PTPRT: variants seen among roughly 807,000 people sequenced by gnomAD.
PTPRT encodes receptor-type tyrosine-protein phosphatase T.
In PTPRT, 56 loss-of-function variants were observed where a neutral mutation model predicts 176.8. That is an observed-to-expected ratio of 0.32 (90% CI 0.26 to 0.40). The LOEUF (loss-of-function observed/expected upper bound fraction) is 0.40. Among genes scored for constraint, PTPRT ranks in the 10% least tolerant of loss-of-function variants. The pLI, the probability that PTPRT is intolerant of heterozygous loss-of-function variation, is 1.00. For missense variants in PTPRT, 1,540 were observed against 1,908.2 expected (o/e 0.81, Z 3.60); for synonymous variants, 783 against 739.0 (o/e 1.06, Z -0.96).
intron 8 of PTPRT, among the ~76,000 whole-genome samples, chr20:42,464,358 T>C (rs1006488890): frequency 1.8e-4 from 28 of 152,166 alleles, no homozygotes; most frequent in African/African-American, 6.8e-4. Flanking sequence ...AATAAAGTAA[T>C]CAATATACAG....
chr20:42,207,125 AC>A (rs547858017), intron 15 of PTPRT, among the ~76,000 whole-genome samples: 6,611 of 151,972 alleles, frequency 0.044, 460 homozygotes, highest in African/African-American at 0.15. Context: ...GGACATCCAC[AC>A]CGAAAACCCA....
intron 2 of PTPRT, among the ~76,000 whole-genome samples, chr20:42,883,680 G>T (rs1173081220): frequency 5.6e-3 from 32 of 5,728 alleles, no homozygotes; most frequent in African/African-American, 9.5e-3. Context: ...CAAACACACG[G>T]ACACACACAC....
In PTPRT at chr20:42,074,895, T is replaced by A. The variant is rs1982623104; in HGVS notation, c.*5984A>T. 2.5e-6 allele frequency: 1 copy of A among 398,622 alleles called. No individual in the cohort carries two copies. Among genetic ancestry groups the A allele is most frequent in the East Asian group, 3.6e-5 (1 of 28,082 alleles). 24.7% of individuals were successfully genotyped at this position (398,622 alleles called of 1,614,324 possible). ...TGGTTACTAAAAAACTAGAAGAGTCTGCTCATGTGCACAAATATGGCTTAG... is the reference window on the plus strand; with the variant it reads ...TGGTTACTAAAAAACTAGAAGAGTCAGCTCATGTGCACAAATATGGCTTAG... On this transcript the variant is annotated 3_prime_UTR_variant, in exon 31 of 31. Coordinates refer to ENST00000373187, the MANE Select transcript of PTPRT (RefSeq NM_007050.6).
chr20:42,641,525 C>A (rs1569046268), intron 7 of PTPRT, among the ~76,000 whole-genome samples: 1 of 152,154 alleles, frequency 6.6e-6, no homozygotes, highest in South Asian at 2.1e-4. Context: ...CAGGCATCAG[C>A]TTTTCTGTAA....
At chr20:42,227,677 A>C (rs970981654) in intron 15 of PTPRT, among the ~76,000 whole-genome samples, 6 of 130,036 alleles carry the variant, frequency 4.6e-5, no homozygotes, top group Non-Finnish European at 6.2e-5. Context: ...GTATGATCTC[A>C]GTTCATTGCA....
At chr20:42,054,370 A>C in the PTPRT span, among the ~76,000 whole-genome samples, 41 of 152,342 alleles carry the variant, frequency 2.7e-4, no homozygotes, top group Admixed American at 2.7e-3. Flanking sequence ...CCAAGCTTCT[A>C]AGTAGATATT....
chr20:42,629,406 A>C (rs1353056393), intron 7 of PTPRT, among the ~76,000 whole-genome samples: 1 of 152,168 alleles, frequency 6.6e-6, no homozygotes, highest in East Asian at 1.9e-4. Context: ...TCTTGTGCAA[A>C]ACCAACTAGG....
At chr20:42,808,476 C>A (rs2077646342) in intron 2 of PTPRT, among the ~76,000 whole-genome samples, 1 of 152,108 alleles carries the variant, frequency 6.6e-6, no homozygotes, top group Non-Finnish European at 1.5e-5. Flanking sequence ...AGCACAGAGG[C>A]ATTTGGTGTC....
intron 1 of PTPRT, among the ~76,000 whole-genome samples, chr20:43,155,532 G>A (rs539117450): frequency 6.6e-6 from 1 of 152,340 alleles, no homozygotes; most frequent in African/African-American, 2.4e-5. Flanking sequence ...GGGATGGTTA[G>A]CAGGGAGAGG....
chr20:42,307,526 A>G (rs956080165), intron 12 of PTPRT, among the ~76,000 whole-genome samples: 1 of 152,086 alleles, frequency 6.6e-6, no homozygotes, highest in Non-Finnish European at 1.5e-5. Context: ...CTTAACTCGA[A>G]CCCTCTAGAG....
At chr20:42,674,437 G>A (rs1165607631) in intron 7 of PTPRT, among the ~76,000 whole-genome samples, 3 of 152,234 alleles carry the variant, frequency 2.0e-5, no homozygotes, top group Middle Eastern at 3.4e-3. Context: ...ATCATCTTGC[G>A]ATTGAATTTC....
At chr20:42,688,257 G>A in intron 6 of PTPRT, 1 of 152,168 alleles carries the variant, frequency 6.6e-6, no homozygotes, top group East Asian at 1.9e-4. Context: ...CATCTTTTCT[G>A]GTCTTTGTAG....
At chr20:42,602,274 G>A (rs550067022) in intron 7 of PTPRT, among the ~76,000 whole-genome samples, 1 of 152,272 alleles carries the variant, frequency 6.6e-6, no homozygotes, top group African/African-American at 2.4e-5. Flanking sequence ...ACAGGCAACA[G>A]AGAAACTCCT....
intron 6 of PTPRT, among the ~76,000 whole-genome samples, chr20:42,736,453 A>G (rs912987061): frequency 1.3e-5 from 2 of 152,260 alleles, no homozygotes; most frequent in Non-Finnish European, 2.9e-5. Context: ...TTATGCAACA[A>G]ATGTCCACTG....
the PTPRT span, among the ~76,000 whole-genome samples, chr20:42,053,586 A>G: frequency 6.6e-6 from 1 of 152,206 alleles, no homozygotes; most frequent in Non-Finnish European, 1.5e-5. Context: ...CAGTGACAGG[A>G]ATATTAACAA....
intron 7 of PTPRT, among the ~76,000 whole-genome samples, chr20:42,624,318 T>C (rs1212609594): frequency 5.3e-5 from 8 of 152,228 alleles, no homozygotes; most frequent in East Asian, 3.8e-4. Flanking sequence ...ATTCAACATA[T>C]AGTAATCTCC....
intron 1 of PTPRT, among the ~76,000 whole-genome samples, chr20:43,167,320 A>T (rs1396160711): frequency 3.3e-5 from 5 of 152,238 alleles, no homozygotes; most frequent in Non-Finnish European, 7.3e-5. Context: ...ATAAGTAACC[A>T]GATCAAATCT....
chr20:42,541,512 A>G (rs1036862630), intron 7 of PTPRT, among the ~76,000 whole-genome samples: 52 of 136,740 alleles, frequency 3.8e-4, no homozygotes, highest in African/African-American at 1.5e-3. Flanking sequence ...GTGTACTAGT[A>G]AATAGTAAAT....
At chr20:42,066,801 T>C in the PTPRT span, among the ~76,000 whole-genome samples, 397 of 152,350 alleles carry the variant, frequency 2.6e-3, 2 homozygotes, top group African/African-American at 9.2e-3. Context: ...CTATATTCAC[T>C]ATTATATCCC....
Sources: gnomAD v4.1 joint callset for allele counts (sites outside exome capture counted in the v4.1 genomes callset) on GRCh38, gnomAD v4.1.1 for gene constraint, MANE v1.5 for transcripts, NCBI Gene and HGNC (gene_info 2026-07-23, HGNC 2026-07-21) for gene names.